Variants in CERK observed in about 807,000 individuals in gnomAD.
CERK encodes the protein acylsphingosine kinase.
CERK carries 39 observed loss-of-function variants against 63.4 expected under a neutral mutation model. That is an observed-to-expected ratio of 0.61 (90% CI 0.48 to 0.80). CERK has a LOEUF of 0.80. Among genes scored for constraint, CERK ranks in the 30% least tolerant of loss-of-function variants. CERK has a pLI of 0.00. For synonymous variants in CERK, 302 were observed against 280.0 expected (o/e 1.08, Z -0.78); for missense variants, 670 against 714.1 (o/e 0.94, Z 0.70).
chr22:46,710,300 G>A (rs2082834120), intron 5 of CERK, among the ~76,000 whole-genome samples: 1 of 152,096 alleles, frequency 6.6e-6, no homozygotes, highest in African/African-American at 2.4e-5. Flanking sequence ...TGGGCGTGGT[G>A]TTGGGCACCT....
intron 1 of CERK, among the ~76,000 whole-genome samples, chr22:46,724,974 T>G (rs1307206173): frequency 6.6e-6 from 1 of 151,908 alleles, no homozygotes; most frequent in African/African-American, 2.4e-5. Context: ...TGAGCCAAGA[T>G]TGCGCCACTG....
rs9616101 is a variant in CERK, at chr22:46,712,292, C to T, written c.381G>A (p.Thr127=). Residue 127 remains threonine, a splice_region_variant and synonymous_variant, in exon 4 of 13, where the codon ACG becomes ACA. Transcript: ENST00000216264. ...ATACCAGTAAATGCTTTGGTCTGGACGCTGTAAGACAACAACATGTAAATA... is the reference window on the plus strand; with the variant it reads ...ATACCAGTAAATGCTTTGGTCTGGATGCTGTAAGACAACAACATGTAAATA... ...QTLREMLEKL[T]SRPKHLLVFI... 0.027 allele frequency: 43,636 copies of T among 1,612,768 alleles called. 674 individuals carry two copies. The highest frequency in any genetic ancestry group is 0.085 in the Middle Eastern group (514 of 6,060).
chr22:46,726,171 G>C (rs190447576), intron 1 of CERK, among the ~76,000 whole-genome samples: 1 of 152,232 alleles, frequency 6.6e-6, no homozygotes, highest in South Asian at 2.1e-4. Flanking sequence ...AGAACATGCC[G>C]CTCCAGACCT....
intron 8 of CERK, among the ~76,000 whole-genome samples, chr22:46,695,827 G>A (rs961857467): frequency 3.3e-5 from 5 of 152,048 alleles, no homozygotes; most frequent in Non-Finnish European, 5.9e-5. Context: ...CCAGGCAAAC[G>A]TGTGCGCTGT....
At position 46,691,658 on chromosome 22, in the gene CERK, C is replaced by T. The variant is rs998993614; in HGVS notation, c.1246G>A (p.Gly416Arg). 16 of 1,613,894 alleles carry T rather than the reference C, an allele frequency of 9.9e-6. No individual in the cohort carries two copies. Among genetic ancestry groups the T allele is most frequent in the Non-Finnish European group, 1.4e-5 (16 of 1,180,028 alleles). ...GLSPAAHLGD[G>R]SSDLILIRKC... ...CGGATGAGGATGAGGTCAGAAGACC[C>T]GTCTCCCAAGTGGGCAGCCGGGGAG... Residue 416 changes from glycine to arginine, a missense_variant, in exon 11 of 13, where the codon GGG (glycine) becomes AGG (arginine). Gly to Arg is a moderately radical substitution (Grantham distance 125). Coordinates refer to ENST00000216264, the MANE Select transcript of CERK (RefSeq NM_022766.6).
intron 1 of CERK, among the ~76,000 whole-genome samples, chr22:46,736,958 C>A (rs2146602304): frequency 6.6e-6 from 1 of 152,264 alleles, no homozygotes; most frequent in South Asian, 2.1e-4. Flanking sequence ...CTCCGCACAT[C>A]CAGCATGAAT....
intron 9 of CERK, among the ~76,000 whole-genome samples, chr22:46,694,910 C>G (rs1176676368): frequency 6.6e-6 from 1 of 152,174 alleles, no homozygotes; most frequent in South Asian, 2.1e-4. Context: ...GTAAAGGGAA[C>G]CCCAGCAGGG....
chr22:46,704,998 G>A (rs934506006), intron 6 of CERK, among the ~76,000 whole-genome samples: 1 of 152,196 alleles, frequency 6.6e-6, no homozygotes, highest in African/African-American at 2.4e-5. Flanking sequence ...AGTAAATAAA[G>A]ATAGTGAATA....
intron 1 of CERK, among the ~76,000 whole-genome samples, chr22:46,729,454 G>C (rs976430175): frequency 6.6e-6 from 1 of 151,956 alleles, no homozygotes; most frequent in Non-Finnish European, 1.5e-5. Context: ...TGTCACTCAG[G>C]ATGGAGTACA....
chr22:46,698,308 C>A (rs1179596239), intron 8 of CERK, among the ~76,000 whole-genome samples: 1 of 152,250 alleles, frequency 6.6e-6, no homozygotes, highest in Non-Finnish European at 1.5e-5. Context: ...GTGCCCACTG[C>A]GGCCGAGCCG....
intron 1 of CERK, among the ~76,000 whole-genome samples, chr22:46,732,022 C>T (rs1476270749): frequency 6.6e-6 from 1 of 152,220 alleles, no homozygotes; most frequent in African/African-American, 2.4e-5. Flanking sequence ...CCGGGGCCAG[C>T]TGGAGGCAGA....
chr22:46,718,666 A>G (rs78816680), intron 3 of CERK, among the ~76,000 whole-genome samples: 4,719 of 152,334 alleles, frequency 0.031, 250 homozygotes, highest in African/African-American at 0.11. Context: ...CCTCCTTTTA[A>G]TAAACTGAAA....
chr22:46,699,522 A>G (rs2082773102), intron 7 of CERK, 57 bp from the exon 8 acceptor site: 1 of 1,551,082 alleles, frequency 6.4e-7, no homozygotes, highest in Non-Finnish European at 8.9e-7. Flanking sequence ...CGCCCCATCC[A>G]CTCCATCCCC....
At chr22:46,693,255 G>A (rs1025432401) in intron 10 of CERK, among the ~76,000 whole-genome samples, 172 bp downstream of exon 10, 2 of 152,220 alleles carry the variant, frequency 1.3e-5, no homozygotes, top group East Asian at 1.9e-4. Context: ...CACACGGCAA[G>A]TAACAGTGAC....
intron 7 of CERK, among the ~76,000 whole-genome samples, chr22:46,699,697 G>C (rs1054244012): frequency 6.6e-6 from 1 of 152,222 alleles, no homozygotes; most frequent in Non-Finnish European, 1.5e-5. Flanking sequence ...GAGCTATCCT[G>C]TGGGGACTGA....
chr22:46,732,128 C>G (rs2082948308), intron 1 of CERK, among the ~76,000 whole-genome samples: 1 of 152,220 alleles, frequency 6.6e-6, no homozygotes, highest in Admixed American at 6.5e-5. Context: ...GAGAACCCAG[C>G]AGACGTGTGG....
intron 12 of CERK, among the ~76,000 whole-genome samples, chr22:46,687,430 G>C (rs998481920): frequency 2.6e-5 from 4 of 152,222 alleles, no homozygotes; most frequent in African/African-American, 7.2e-5. Flanking sequence ...ACGGGCCCTG[G>C]GCGTGGAATA....
At chr22:46,688,535 T>C (rs1158315082) in intron 12 of CERK, among the ~76,000 whole-genome samples, 1 of 152,232 alleles carries the variant, frequency 6.6e-6, no homozygotes, top group Non-Finnish European at 1.5e-5. Context: ...AGGGGGCGCG[T>C]GGCCCTGGGC....
intron 3 of CERK, among the ~76,000 whole-genome samples, chr22:46,713,007 G>A (rs1040923796): frequency 2.6e-5 from 4 of 151,624 alleles, no homozygotes; most frequent in Non-Finnish European, 5.9e-5. Flanking sequence ...ACCACGCCCG[G>A]CTAATTTTTT....
Sources: allele counts gnomAD v4.1 joint callset (sites outside exome capture counted in the v4.1 genomes callset), GRCh38; gene constraint gnomAD v4.1.1; transcripts MANE v1.5; gene names NCBI Gene and HGNC (gene_info 2026-07-23, HGNC 2026-07-21).